Variants in IL17RE observed in about 807,000 individuals in gnomAD.
The protein encoded by IL17RE is interleukin-17 receptor E.
In IL17RE, 47 loss-of-function variants were observed where a neutral mutation model predicts 70.7. The observed-to-expected ratio is 0.67, with a 90% CI of 0.53 to 0.85. IL17RE has a LOEUF of 0.85. Among genes scored for constraint, IL17RE ranks in the 40% least tolerant of loss-of-function variants. IL17RE has a pLI of 0.00. For synonymous variants in IL17RE, 372 were observed against 381.2 expected (o/e 0.98, Z 0.28); for missense variants, 850 against 893.9 (o/e 0.95, Z 0.63).
At position 9,911,150 on chromosome 3, in the gene IL17RE, C is replaced by T; in HGVS notation, c.1002C>T (p.Asp334=). Reference sequence around the variant, plus strand: ...AGTGGTATGTTTTGGAGAAGGTGGACCTGCACCCCCAGCTCTGCTTCAAGG... The same window carrying T: ...AGTGGTATGTTTTGGAGAAGGTGGATCTGCACCCCCAGCTCTGCTTCAAGG... ...SDGWYVLEKV[D]LHPQLCFKFS... The change falls in exon 10 of 16, where the codon GAC becomes GAT. Residue 334 remains aspartate, a synonymous_variant. Transcript: ENST00000383814. The T allele has an allele frequency of 6.2e-7, 1 of 1,614,180 alleles. No individual in the cohort carries two copies. The highest frequency in any genetic ancestry group is 8.5e-7 in the Non-Finnish European group (1 of 1,180,036).
chr3:9,915,257 G>T lies in IL17RE; in HGVS notation c.1454G>T (p.Gly485Val), dbSNP rs1013714967. Residue 485 changes from glycine to valine, a missense_variant, in exon 16 of 16, where the codon GGC becomes GTC. Coordinates refer to ENST00000383814, the MANE Select transcript of IL17RE (RefSeq NM_153480.2). The surrounding 1 kb of genome is among the most constrained non-coding windows in gnomAD (Gnocchi z 4.9). ...LTCRRPQSGP[G>V]PARPVLLLHA... Reference sequence around the variant, plus strand: ...TGTTGCTTCCCGCCACCAGGCCCGGGCCCAGCGCGGCCAGTGCTCCTCCTG... The same window carrying T: ...TGTTGCTTCCCGCCACCAGGCCCGGTCCCAGCGCGGCCAGTGCTCCTCCTG... 2.2e-6 allele frequency: 3 copies of T among 1,391,256 alleles called. No homozygotes were observed. The highest frequency in any genetic ancestry group is 3.2e-5 in the Admixed American group (1 of 31,144). The allele number at this position is 1,391,256 out of a possible 1,614,324, so 86.2% of individuals were successfully genotyped here. A position where few individuals can be genotyped will look rare whatever the true frequency, so the allele number is the denominator to read the frequency against.
At chr3:9,909,157 T>G in intron 7 of IL17RE, 60 bp from the exon 8 acceptor site, 1 of 1,396,236 alleles carries the variant, frequency 7.2e-7, no homozygotes, top group Non-Finnish European at 1.0e-6. Flanking sequence ...GAGTTTTAGG[T>G]CTGAGTGAGA....
Position 9,906,846 on chromosome 3 carries a change from G to T in IL17RE, c.507G>T (p.Leu169Phe). ...AGACATGGGAAAGTCTTCCCAGATT[G>T]GACTCACAAAGGCATGGAGGTGGGC... The part of the protein sequence containing the change: ...DPETWESLPR[L>F]DSQRHGGPEF... The change falls in exon 5 of 16, where the codon TTG (leucine) becomes TTT (phenylalanine). Residue 169 changes from leucine (L) to phenylalanine (F), a missense_variant. Physicochemically the swap from Leu to Phe is conservative, Grantham distance 22 (BLOSUM62 0). Coordinates refer to ENST00000383814, the MANE Select transcript of IL17RE (RefSeq NM_153480.2). 6.2e-7 allele frequency: 1 copy of T among 1,614,160 alleles called. No individual in the cohort carries two copies. Among genetic ancestry groups the T allele is most frequent in the Non-Finnish European group, 8.5e-7 (1 of 1,180,028 alleles).
chr3:9,912,157 T>A (rs2082909734), intron 12 of IL17RE, among the ~76,000 whole-genome samples: 1 of 152,210 alleles, frequency 6.6e-6, no homozygotes, highest in Admixed American at 6.5e-5. Context: ...GAACGGTGCA[T>A]GCGAGGGATC....
At chr3:9,902,640 C>T (rs1167822165), upstream of IL17RE, 2 of 1,536,016 alleles carry the variant, frequency 1.3e-6, no homozygotes, top group Non-Finnish European at 1.7e-6. Context: ...CAACCTGATG[C>T]TAGCCCCTTT....
chr3:9,914,070 C>T (rs2082955149), intron 13 of IL17RE, 46 bp downstream of exon 13: 1 of 1,446,358 alleles, frequency 6.9e-7, no homozygotes, highest in Non-Finnish European at 9.7e-7. Flanking sequence ...TTGGCATCTG[C>T]TCCCCTAGTG....
rs112543409 is a variant in IL17RE at position 9,915,697 on chromosome 3, G to A, written c.1894G>A (p.Ala632Thr). The A allele has an allele frequency of 2.4e-4, 328 of 1,393,816 alleles. No individual in the cohort carries two copies. In the African/African-American group the frequency reaches 4.1e-3, roughly 17 times the overall value. The allele number at this position is 1,393,816 out of a possible 1,614,324, so 86.3% of individuals were successfully genotyped here. ...LLRALDARPF[A>T]EATSWGRLGA... ...GCGGGCGCTGGACGCGCGGCCTTTC[G>A]CAGAGGCCACCAGCTGGGGCCGCCT... The change falls in exon 16 of 16, where the codon GCA becomes ACA. Residue 632 changes from alanine (A) to threonine (T), a missense_variant. Transcript: ENST00000383814. The surrounding 1 kb of genome is among the most constrained non-coding windows in gnomAD (Gnocchi z 4.9).
At chr3:9,914,522 A>T (rs1559276913) in intron 13 of IL17RE, 26 bp from the exon 14 acceptor site, 25 of 1,612,932 alleles carry the variant, frequency 1.5e-5, no homozygotes, top group Non-Finnish European at 2.1e-5. Context: ...CCTGGCTCAT[A>T]GGGGTGGGGG....
chr3:9,905,027 G>T (rs148295430), intron 3 of IL17RE, among the ~76,000 whole-genome samples: 184 of 149,750 alleles, frequency 1.2e-3, no homozygotes, highest in African/African-American at 3.5e-3. Context: ...TTCAGGAGGT[G>T]GAGGTTGCAG....
In IL17RE at chr3:9,914,873, C is replaced by T. The variant is rs1218121296; in HGVS notation, c.1447+96C>T. 8 of 1,040,310 alleles carry T rather than the reference C, an allele frequency of 7.7e-6. No individual in the cohort carries two copies. The East Asian group carries it at 2.0e-4, about 26-fold the overall frequency. The allele number at this position is 1,040,310 out of a possible 1,614,324, so 64.4% of individuals were successfully genotyped here. On this transcript the variant is annotated intron_variant, in intron 15 of 15. Coordinates refer to ENST00000383814, the MANE Select transcript of IL17RE (RefSeq NM_153480.2). ...CCCTGTCTGAGCTCTCAGCACTGCACCCAATCTCTGTTACCCAGGCAGGGA... is the reference window on the plus strand; with the variant it reads ...CCCTGTCTGAGCTCTCAGCACTGCATCCAATCTCTGTTACCCAGGCAGGGA...
chr3:9,907,115 C>A lies in IL17RE; in HGVS notation c.666+15C>A, dbSNP rs371091084. The A allele has an allele frequency of 6.2e-6, 10 of 1,613,812 alleles. No homozygotes were observed. Among genetic ancestry groups the A allele is most frequent in the Admixed American group, 1.7e-5 (1 of 59,970 alleles). ...ATGATGTCCAGGTATGGTGTGTCAT[C>A]CCCCTGTAAAAAGCCCGATCACACA... On this transcript the variant is annotated intron_variant, in intron 6 of 15. Transcript: ENST00000383814.
chr3:9,909,380 ACTT>A, intron 8 of IL17RE, 97 bp downstream of exon 8: 66 of 1,058,492 alleles, frequency 6.2e-5, no homozygotes, highest in Non-Finnish European at 8.6e-5. Context: ...CACACCCCGC[ACTT>A]CACACATGTG....
chr3:9,915,396 C>T lies in IL17RE; in HGVS notation c.1593C>T (p.His531=), dbSNP rs1331938441. The change falls in exon 16 of 16, where the codon CAC becomes CAT. Residue 531 remains histidine (H), a synonymous_variant. Coordinates refer to ENST00000383814, the MANE Select transcript of IL17RE (RefSeq NM_153480.2). The surrounding 1 kb of genome is among the most constrained non-coding windows in gnomAD (Gnocchi z 4.9). The part of the protein sequence containing the change: ...DVIVDLWEGR[H]VARVGPLPWL... ...TCGTGGACCTGTGGGAGGGGAGGCA[C>T]GTGGCGCGCGTGGGCCCGCTGCCGT... 2.2e-6 allele frequency: 3 copies of T among 1,361,790 alleles called. No homozygotes were observed. Among genetic ancestry groups the T allele is most frequent in the East Asian group, 3.0e-5 (1 of 33,164 alleles). The allele number at this position is 1,361,790 out of a possible 1,614,324, so 84.4% of individuals were successfully genotyped here.
At chr3:9,911,779 G>T in intron 12 of IL17RE, 182 bp downstream of exon 12, 1 of 540,304 alleles carries the variant, frequency 1.9e-6, no homozygotes, top group Non-Finnish European at 3.2e-6. Context: ...GGTTCCTCAA[G>T]GGAGCATTTT....
chr3:9,906,535 C>T (rs376210007), intron 4 of IL17RE, 74 bp downstream of exon 4: 1 of 1,393,524 alleles, frequency 7.2e-7, no homozygotes, highest in East Asian at 2.3e-5. Flanking sequence ...ATTTGGTTCT[C>T]CAGCCATGTG....
rs779508121 is a variant in IL17RE, at chr3:9,911,415, A to G, written c.1073-28A>G. On this transcript the variant is annotated intron_variant, in intron 11 of 15. Transcript: ENST00000383814. ...ATTCATCACCCAAAGCCCAACTCCT[A>G]TCAACACCCCCACCCCGCCCCAAAC... 4.6e-5 allele frequency: 74 copies of G among 1,613,078 alleles called. No homozygotes were observed. In the East Asian group the frequency reaches 1.6e-3, roughly 35 times the overall value.
Position 9,911,615 on chromosome 3 carries a change from C to T in IL17RE, c.1227+18C>T, listed in dbSNP as rs961437054. On this transcript the variant is annotated intron_variant, in intron 12 of 15. Coordinates refer to ENST00000383814, the MANE Select transcript of IL17RE (RefSeq NM_153480.2). ...TCAGCCAGGTATGGCCTCGCCCCCA[C>T]TAGGTCCTATTGCTCAGAGCACAGC... 6.2e-7 allele frequency: 1 copy of T among 1,605,566 alleles called. No homozygotes were observed. The highest frequency in any genetic ancestry group is 1.3e-5 in the African/African-American group (1 of 74,868).
Position 9,906,695 on chromosome 3 carries a change from T to C in IL17RE, c.367-11T>C. 3 of 1,614,178 alleles carry C rather than the reference T, an allele frequency of 1.9e-6. No individual in the cohort carries two copies. Among genetic ancestry groups the C allele is most frequent in the Middle Eastern group, 1.7e-4 (1 of 6,054 alleles). ...TTCTGGCCTGAGGCCAACCTTGTTCTCTGCCTTTAGAGGAAGCTGCTGCCT... is the reference window on the plus strand; with the variant it reads ...TTCTGGCCTGAGGCCAACCTTGTTCCCTGCCTTTAGAGGAAGCTGCTGCCT... On this transcript the variant is annotated splice_polypyrimidine_tract_variant and intron_variant, in intron 4 of 15. Coordinates refer to ENST00000383814, the MANE Select transcript of IL17RE (RefSeq NM_153480.2).
In IL17RE at chr3:9,916,065, C is replaced by G; in HGVS notation, c.*258C>G. On this transcript the variant is annotated 3_prime_UTR_variant, in exon 16 of 16. Transcript: ENST00000383814. ...GGGGAGGGCGGTCTTCCCACTTCCTCTCCAGAACTCCAGAAAGAGCAGTGT... is the reference window on the plus strand; with the variant it reads ...GGGGAGGGCGGTCTTCCCACTTCCTGTCCAGAACTCCAGAAAGAGCAGTGT... 2 of 445,276 alleles carry G rather than the reference C, an allele frequency of 4.5e-6. No individual in the cohort carries two copies. The highest frequency in any genetic ancestry group is 7.4e-6 in the Non-Finnish European group (2 of 269,084). 27.6% of individuals were successfully genotyped at this position (445,276 alleles called of 1,614,324 possible). A position where few individuals can be genotyped will look rare whatever the true frequency, so the allele number is the denominator to read the frequency against.
Sources: gnomAD v4.1 joint callset for allele counts (sites outside exome capture counted in the v4.1 genomes callset) on GRCh38, gnomAD v4.1.1 for gene constraint, Gnocchi (gnomAD v3.1) non-coding constraint, MANE v1.5 for transcripts, NCBI Gene and HGNC (gene_info 2026-07-23, HGNC 2026-07-21) for gene names.